PTCHD1: variants seen among roughly 807,000 people sequenced by gnomAD.
PTCHD1 encodes patched domain containing 1.
PTCHD1 carries 3 observed loss-of-function variants against 34.6 expected under a neutral mutation model. The observed-to-expected ratio is 0.09, with a 90% confidence interval of 0.04 to 0.22. The LOEUF is 0.22. PTCHD1 is among the 10% of genes least tolerant of loss of function. PTCHD1 has a pLI of 1.00. For synonymous variants in PTCHD1, 305 were observed against 283.1 expected, an observed-to-expected ratio of 1.08 and a Z score of -0.77; for missense variants, 504 against 685.5, an observed-to-expected ratio of 0.74 and a Z score of 2.96.
In PTCHD1 at chrX:23,380,058, C is replaced by T. The variant is rs769884877; in HGVS notation, c.819C>T (p.Val273=). 2 of 1,211,870 alleles carry T rather than the reference C, an allele frequency of 1.7e-6. No homozygotes were observed. Among genetic ancestry groups the T allele is most frequent in the Non-Finnish European group, 2.2e-6 (2 of 895,400 alleles). Reference sequence around the variant, plus strand: ...GCCGCGTATCAGAACGTTACCTGGTCACCAGCCTGATTCTGGTGGTTACCA... The same window carrying T: ...GCCGCGTATCAGAACGTTACCTGGTTACCAGCCTGATTCTGGTGGTTACCA... ...KTSRVSERYL[V]TSLILVVTMA... is the part of the protein sequence containing the mutation. The change falls in exon 2 of 3, where the codon GTC becomes GTT. Residue 273 remains valine (V), a synonymous_variant. Transcript: ENST00000379361.
chrX:23,359,166 T>A (rs1447020146), intron 1 of PTCHD1, among the ~76,000 whole-genome samples: 1 of 112,475 alleles, frequency 8.9e-6, no homozygotes, highest in Non-Finnish European at 1.9e-5. Flanking sequence ...TTAAAGTAGT[T>A]TTTTCCAATT....
intron 1 of PTCHD1, among the ~76,000 whole-genome samples, chrX:23,339,218 T>C (rs896650367): frequency 1.8e-5 from 2 of 112,468 alleles, no homozygotes; most frequent in African/African-American, 6.5e-5. Flanking sequence ...TGTATTTACA[T>C]AGTGAAATTT....
rs1430076568 is a variant in PTCHD1 at position 23,392,906 on chromosome X, C to T, written c.1388C>T (p.Ala463Val). 4.1e-6 allele frequency: 5 copies of T among 1,212,093 alleles called. No homozygotes were observed. Among genetic ancestry groups the T allele is most frequent in the Non-Finnish European group, 5.6e-6 (5 of 895,540 alleles). Reference protein sequence around the residue: ...KPAWYRFLLTARFSEDTAEGE... With the variant: ...KPAWYRFLLTVRFSEDTAEGE... ...GCATGGTACAGGTTTCTCCTGACGG[C>T]CAGATTCAGTGAGGACACAGCTGAA... Residue 463 changes from alanine to valine, a missense_variant, in exon 3 of 3, where the codon GCC (alanine) becomes GTC (valine). Transcript: ENST00000379361.
chrX:23,390,842 T>C (rs1410242711), intron 2 of PTCHD1, among the ~76,000 whole-genome samples: 1 of 112,379 alleles, frequency 8.9e-6, no homozygotes, highest in African/African-American at 3.2e-5. Context: ...TGACTCACTT[T>C]ATTCAGCATT....
chrX:23,334,932 C>T lies in PTCHD1; in HGVS notation c.57C>T (p.His19=). The T allele has an allele frequency of 5.8e-6, 7 of 1,205,465 alleles. No homozygotes were observed. The highest frequency in any genetic ancestry group is 7.8e-6 in the Non-Finnish European group (7 of 892,612). ...GLRTCFSRLG[H]FIASHPVFFA... is the part of the protein sequence containing the mutation. Reference sequence around the variant, plus strand: ...GGACGTGTTTCTCCCGGCTCGGCCACTTCATTGCCAGTCACCCTGTCTTCT... The same window carrying T: ...GGACGTGTTTCTCCCGGCTCGGCCATTTCATTGCCAGTCACCCTGTCTTCT... Residue 19 remains histidine, a synonymous_variant, in exon 1 of 3, where the codon CAC becomes CAT. Coordinates refer to ENST00000379361, the MANE Select transcript of PTCHD1 (RefSeq NM_173495.3).
chrX:23,385,641 G>C (rs1922669242), intron 2 of PTCHD1, among the ~76,000 whole-genome samples: 1 of 111,752 alleles, frequency 8.9e-6, no homozygotes, highest in African/African-American at 3.3e-5. Context: ...AACCGAAACA[G>C]GTTCACAGTT....
intron 2 of PTCHD1, among the ~76,000 whole-genome samples, chrX:23,392,070 C>CTTCCTTTTTTTTTTTTT (rs1922848553): frequency 2.5e-5 from 1 of 39,480 alleles, no homozygotes; most frequent in Non-Finnish European, 4.1e-5. Context: ...TTCTTTCTTT[C>CTTCCTTTTTTTTTTTTT]TTTCTTTTTT....
At chrX:23,367,072 C>T (rs1306985652) in intron 1 of PTCHD1, among the ~76,000 whole-genome samples, 2 of 111,621 alleles carry the variant, frequency 1.8e-5, no homozygotes, top group Non-Finnish European at 3.8e-5. Context: ...GGTTCGCTTG[C>T]GCTAATCAAT....
intron 1 of PTCHD1, among the ~76,000 whole-genome samples, chrX:23,373,591 G>A (rs983677357): frequency 4.1e-4 from 46 of 112,653 alleles, no homozygotes; most frequent in African/African-American, 1.4e-3. Flanking sequence ...CCTAACTTGC[G>A]ACTTCTGGTG....
At chrX:23,334,765 TCGCCGCCGCCGC>T (rs1921104807), upstream of PTCHD1, 1 of 165,278 alleles carries the variant, frequency 6.1e-6, no homozygotes, top group Non-Finnish European at 9.1e-6. Context: ...GCCGCCGCCG[TCGCCGCCGCCGC>T]GGGCGCCGCT....
At chrX:23,384,944 T>C (rs1233952482) in intron 2 of PTCHD1, among the ~76,000 whole-genome samples, 1 of 112,041 alleles carries the variant, frequency 8.9e-6, no homozygotes, top group Non-Finnish European at 1.9e-5. Flanking sequence ...ATGACAATTT[T>C]GCCTGATGGA....
intron 1 of PTCHD1, among the ~76,000 whole-genome samples, chrX:23,354,780 C>T (rs1389789469): frequency 9.2e-6 from 1 of 108,924 alleles, no homozygotes; most frequent in Non-Finnish European, 1.9e-5. Context: ...ACCATCTTGG[C>T]CAGGATGGTC....
intron 1 of PTCHD1, among the ~76,000 whole-genome samples, chrX:23,364,560 C>A (rs1922086657): frequency 9.0e-6 from 1 of 111,624 alleles, no homozygotes; most frequent in East Asian, 2.9e-4. Flanking sequence ...TGACATCCAA[C>A]TCACTGCCAT....
At chrX:23,374,949 C>G (rs1241089354) in intron 1 of PTCHD1, among the ~76,000 whole-genome samples, 1 of 111,680 alleles carries the variant, frequency 9.0e-6, no homozygotes. Flanking sequence ...TTCTGACACT[C>G]TTAAGGTAGG....
chrX:23,352,842 ACT>A (rs1223445205), intron 1 of PTCHD1, among the ~76,000 whole-genome samples: 1 of 111,638 alleles, frequency 9.0e-6, no homozygotes, highest in Admixed American at 9.5e-5. Context: ...AGAACTGCAG[ACT>A]CTCAGGCTTC....
At chrX:23,373,343 A>G (rs1370372944) in intron 1 of PTCHD1, among the ~76,000 whole-genome samples, 1 of 112,839 alleles carries the variant, frequency 8.9e-6, no homozygotes, top group Non-Finnish European at 1.9e-5. Flanking sequence ...CTAGCATTGC[A>G]TTACTGACAG....
chrX:23,391,847 C>G (rs1228186283), intron 2 of PTCHD1, among the ~76,000 whole-genome samples: 1 of 110,790 alleles, frequency 9.0e-6, no homozygotes, highest in African/African-American at 3.3e-5. Context: ...GACATATGCA[C>G]AAGTCTAATC....
chrX:23,375,035 A>G (rs1424929356), intron 1 of PTCHD1, among the ~76,000 whole-genome samples: 1 of 111,956 alleles, frequency 8.9e-6, no homozygotes, highest in African/African-American at 3.2e-5. Context: ...TTTCTTAGGA[A>G]GCCTGTCTTT....
intron 1 of PTCHD1, chrX:23,350,998 C>A: frequency 2.3e-5 from 6 of 257,649 alleles, no homozygotes; most frequent in East Asian, 6.2e-5. Context: ...TCCATATTTT[C>A]ATGGGAATCC....
Sources: allele counts gnomAD v4.1 joint callset (sites outside exome capture counted in the v4.1 genomes callset), GRCh38; gene constraint gnomAD v4.1.1; transcripts MANE v1.5; gene names NCBI Gene and HGNC (gene_info 2026-07-23, HGNC 2026-07-21).